Variants in FUT9 observed in about 807,000 individuals in gnomAD.
FUT9 encodes fucosyltransferase 9.
In FUT9, 15 loss-of-function variants were observed where a neutral mutation model predicts 29.7. The ratio of observed to expected loss-of-function variants is 0.51; its 90% CI spans 0.34 to 0.78. The LOEUF is 0.78. Among genes scored for constraint, FUT9 ranks in the 30% least tolerant of loss-of-function variants. The pLI, the probability that FUT9 is intolerant of heterozygous loss-of-function variation, is 0.01. For missense variants in FUT9, 319 were observed against 425.4 expected, an observed-to-expected ratio of 0.75 and a Z score of 2.20; for synonymous variants, 169 against 153.7, an observed-to-expected ratio of 1.10 and a Z score of -0.74.
At chr6:96,121,926 A>T (rs1487800506) in intron 2 of FUT9, among the ~76,000 whole-genome samples, 1 of 152,096 alleles carries the variant, frequency 6.6e-6, no homozygotes, top group Non-Finnish European at 1.5e-5. Flanking sequence ...TCAAATCTTC[A>T]TTATATTTAG....
chr6:96,133,670 T>C (rs1173380067), intron 2 of FUT9, among the ~76,000 whole-genome samples: 1 of 151,930 alleles, frequency 6.6e-6, no homozygotes, highest in Non-Finnish European at 1.5e-5. Flanking sequence ...GAATAAATTT[T>C]CAGTAATTGT....
At chr6:96,109,135 C>T (rs937481492) in intron 1 of FUT9, among the ~76,000 whole-genome samples, 1 of 152,144 alleles carries the variant, frequency 6.6e-6, no homozygotes, top group African/African-American at 2.4e-5. Flanking sequence ...GCACATAGTA[C>T]TTGTCATTAT....
chr6:96,097,055 G>C (rs555443523), intron 1 of FUT9, among the ~76,000 whole-genome samples: 2 of 152,068 alleles, frequency 1.3e-5, no homozygotes, highest in Admixed American at 1.3e-4. Flanking sequence ...CATTTTCCAC[G>C]ACTATCCAAA....
intron 2 of FUT9, among the ~76,000 whole-genome samples, chr6:96,120,732 T>C (rs72931912): frequency 0.044 from 6,591 of 151,284 alleles, 175 homozygotes; most frequent in South Asian, 0.12. Flanking sequence ...TTCAGTTAAT[T>C]TTAGGAGTAA....
At chr6:96,105,811 T>C (rs778897867) in intron 1 of FUT9, among the ~76,000 whole-genome samples, 5 of 152,180 alleles carry the variant, frequency 3.3e-5, no homozygotes, top group Non-Finnish European at 2.9e-5. Context: ...CTCTAAAAAT[T>C]AGGAACATTG....
chr6:96,136,869 T>TA (rs1772358029), intron 2 of FUT9, among the ~76,000 whole-genome samples: 1 of 152,036 alleles, frequency 6.6e-6, no homozygotes, highest in South Asian at 2.1e-4. Flanking sequence ...ACAAATTTGA[T>TA]ATAACTTTTA....
intron 1 of FUT9, among the ~76,000 whole-genome samples, chr6:96,084,746 A>G (rs1339891522): frequency 6.6e-6 from 1 of 152,128 alleles, no homozygotes; most frequent in Non-Finnish European, 1.5e-5. Context: ...TGATAGTTGC[A>G]TTACTTAGCA....
chr6:96,172,724 C>G (rs1773135422), intron 2 of FUT9, among the ~76,000 whole-genome samples: 1 of 151,972 alleles, frequency 6.6e-6, no homozygotes, highest in African/African-American at 2.4e-5. Context: ...GGTTCTTCAT[C>G]AAAACAAAAG....
intron 2 of FUT9, among the ~76,000 whole-genome samples, chr6:96,140,600 C>A (rs902784446): frequency 3.9e-5 from 6 of 152,104 alleles, no homozygotes; most frequent in African/African-American, 1.4e-4. Context: ...GCTGGGGAGG[C>A]CTTACAAACA....
chr6:96,119,126 G>A (rs916597513), intron 2 of FUT9, among the ~76,000 whole-genome samples: 1 of 152,128 alleles, frequency 6.6e-6, no homozygotes, highest in African/African-American at 2.4e-5. Context: ...TGTTTATAAA[G>A]TCTACCGTAG....
intron 1 of FUT9, among the ~76,000 whole-genome samples, chr6:96,091,814 A>T (rs895176147): frequency 6.6e-6 from 1 of 152,072 alleles, no homozygotes; most frequent in African/African-American, 2.4e-5. Context: ...GTTGGTAAGG[A>T]GGGGCTTTGC....
chr6:96,089,920 T>A (rs1171263260), intron 1 of FUT9, among the ~76,000 whole-genome samples: 3 of 152,090 alleles, frequency 2.0e-5, no homozygotes, highest in Non-Finnish European at 4.4e-5. Context: ...GAAAGAACAA[T>A]GCACTAGGAC....
chr6:96,157,411 TTG>T (rs1772806050), intron 2 of FUT9, among the ~76,000 whole-genome samples: 1 of 152,196 alleles, frequency 6.6e-6, no homozygotes. Context: ...GAGTTTAGTT[TTG>T]TGTTTTTCCT....
intron 2 of FUT9, among the ~76,000 whole-genome samples, chr6:96,156,590 G>A (rs1306937435): frequency 2.0e-5 from 3 of 152,158 alleles, no homozygotes; most frequent in East Asian, 1.9e-4. Context: ...TCCCCCTAGC[G>A]TGCATGTGGA....
At chr6:96,147,094 C>G (rs747544139) in intron 2 of FUT9, among the ~76,000 whole-genome samples, 3 of 152,068 alleles carry the variant, frequency 2.0e-5, no homozygotes, top group Non-Finnish European at 2.9e-5. Context: ...AACTCTCCCC[C>G]TTTTTGTCAT....
In FUT9 at chr6:96,087,354, C is replaced by A. The variant is rs913462438; in HGVS notation, c.-97-26685C>A. Among the ~76,000 whole-genome samples, 7 of 137,994 alleles carry A rather than the reference C, an allele frequency of 5.1e-5. No homozygotes were observed. The East Asian group carries it at 1.5e-3, about 30-fold the overall frequency. 90.5% of individuals were successfully genotyped at this position (137,994 alleles called of 152,430 possible). A position where few individuals can be genotyped will look rare whatever the true frequency, so the allele number is the denominator to read the frequency against. On this transcript the variant is annotated intron_variant, in intron 1 of 2. Coordinates refer to ENST00000302103, the MANE Select transcript of FUT9 (RefSeq NM_006581.4). ...CACTGCAACAGTAGGTTTATATTTT[C>A]CCCACAAATTTTTTTTTTTTTTTTT...
chr6:96,019,955 A>C (rs917173400), intron 1 of FUT9, among the ~76,000 whole-genome samples: 1 of 152,104 alleles, frequency 6.6e-6, no homozygotes, highest in African/African-American at 2.4e-5. Context: ...CTTTTATTTT[A>C]AGATGTTAAT....
intron 2 of FUT9, among the ~76,000 whole-genome samples, chr6:96,166,201 C>G (rs12206679): frequency 0.16 from 24,305 of 150,996 alleles, 2,159 homozygotes; most frequent in African/African-American, 0.19. Context: ...TATTAAAGAA[C>G]GTCATATAAG....
chr6:96,042,866 A>G (rs1356930767), intron 1 of FUT9, among the ~76,000 whole-genome samples: 2 of 152,110 alleles, frequency 1.3e-5, no homozygotes, highest in Non-Finnish European at 2.9e-5. Context: ...ATTAAGACTT[A>G]ATTTATTAAG....
Sources: gnomAD v4.1 joint callset for allele counts (sites outside exome capture counted in the v4.1 genomes callset) on GRCh38, gnomAD v4.1.1 for gene constraint, MANE v1.5 for transcripts, NCBI Gene and HGNC (gene_info 2026-07-23, HGNC 2026-07-21) for gene names.